FBXW12: variants seen among roughly 807,000 people sequenced by gnomAD.
FBXW12 encodes the protein F-box/WD repeat-containing protein 12.
FBXW12 carries 43 observed loss-of-function variants against 55.3 expected under a neutral mutation model. That is an observed-to-expected ratio of 0.78 (90% CI 0.61 to 1.00). The LOEUF (loss-of-function observed/expected upper bound fraction) is 1.00. FBXW12 is among the 50% of genes least tolerant of loss of function. The pLI is 0.00. For synonymous variants in FBXW12, 184 were observed against 203.8 expected, an observed-to-expected ratio of 0.90 and a Z score of 0.83; for missense variants, 524 against 560.5, an observed-to-expected ratio of 0.93 and a Z score of 0.66.
chr3:48,373,594 C>T lies in FBXW12; in HGVS notation c.175C>T (p.His59Tyr). Residue 59 changes from histidine (H) to tyrosine (Y), a missense_variant, in exon 4 of 11, where the codon CAC (histidine) becomes TAC (tyrosine). Coordinates refer to ENST00000296438, the MANE Select transcript of FBXW12 (RefSeq NM_207102.2). ...GGACTGCAGCAACTTCACCAATCAA[C>T]ACCTGGGCACACACACATGGAAGCA... ...RWDCSNFTNQHLGTHTWKQFF... is the reference protein window; with the variant it reads ...RWDCSNFTNQYLGTHTWKQFF... 1 of 1,614,146 alleles carries T rather than the reference C, an allele frequency of 6.2e-7. No homozygotes were observed. Among genetic ancestry groups the T allele is most frequent in the South Asian group, 1.1e-5 (1 of 91,082 alleles).
At chr3:48,378,631 TG>T (rs371037494) in intron 6 of FBXW12, 105 bp downstream of exon 6, 37,869 of 577,202 alleles carry the variant, frequency 0.066, 282 homozygotes, top group East Asian at 0.076. Flanking sequence ...TTTTTTTTTT[TG>T]GAGACAGAGT....
At chr3:48,374,995 T>C (rs148297487) in intron 4 of FBXW12, among the ~76,000 whole-genome samples, 149 of 152,216 alleles carry the variant, frequency 9.8e-4, no homozygotes, top group African/African-American at 3.5e-3. Context: ...ACTCCTGGCC[T>C]CAAGTGATCC....
chr3:48,380,183 T>C (rs958026901), intron 7 of FBXW12: 1 of 152,724 alleles, frequency 6.5e-6, no homozygotes, highest in African/African-American at 2.4e-5. Flanking sequence ...TCTTTGTCCT[T>C]GTTCTCTTTT....
chr3:48,393,650 A>G (rs2036962359), intron 10 of FBXW12, among the ~76,000 whole-genome samples: 1 of 152,180 alleles, frequency 6.6e-6, no homozygotes, highest in Non-Finnish European at 1.5e-5. Flanking sequence ...AGGGCTGGGC[A>G]CAATGGCTCA....
At chr3:48,376,127 G>A (rs901649116) in intron 5 of FBXW12, among the ~76,000 whole-genome samples, 7 of 151,600 alleles carry the variant, frequency 4.6e-5, no homozygotes, top group Admixed American at 1.3e-4. Context: ...GATTACAGGC[G>A]CGCGCCACGA....
intron 10 of FBXW12, among the ~76,000 whole-genome samples, chr3:48,393,384 G>A (rs1240962392): frequency 6.6e-6 from 1 of 152,128 alleles, no homozygotes; most frequent in African/African-American, 2.4e-5. Context: ...GTGGGGAGGG[G>A]GAGAAGTGTC....
chr3:48,375,809 G>C (rs1255069097), intron 5 of FBXW12, among the ~76,000 whole-genome samples: 2 of 150,720 alleles, frequency 1.3e-5, no homozygotes, highest in Non-Finnish European at 3.0e-5. Flanking sequence ...CAAGTAGCTG[G>C]GACTACAGGC....
chr3:48,380,936 G>A lies in FBXW12; in HGVS notation c.985+24G>A, dbSNP rs749523028. The A allele has an allele frequency of 1.6e-5, 26 of 1,580,962 alleles. No individual in the cohort carries two copies. In the Admixed American group the frequency reaches 2.7e-4, roughly 16 times the overall value. On this transcript the variant is annotated intron_variant, in intron 8 of 10. Coordinates refer to ENST00000296438, the MANE Select transcript of FBXW12 (RefSeq NM_207102.2). ...AGGTAGGCTGTGCCACATTAGAAAC[G>A]CTTGTTTCTCTTCCTCATCACACAG...
At chr3:48,376,045 G>A (rs1479830866) in intron 5 of FBXW12, among the ~76,000 whole-genome samples, 1 of 135,420 alleles carries the variant, frequency 7.4e-6, no homozygotes, top group East Asian at 2.4e-4. Flanking sequence ...GTAGTGGCGC[G>A]ATCTCAGCTC....
At chr3:48,372,584 C>A in intron 1 of FBXW12, 100 bp from the exon 2 acceptor site, 1 of 1,399,602 alleles carries the variant, frequency 7.1e-7, no homozygotes. Flanking sequence ...GTGGATCAGG[C>A]CCCAGGGGAG....
At chr3:48,385,851 C>T (rs1464296905) in intron 10 of FBXW12, among the ~76,000 whole-genome samples, 10 of 152,124 alleles carry the variant, frequency 6.6e-5, no homozygotes, top group Admixed American at 2.6e-4. Context: ...AATGAAGAAC[C>T]TTTGCCCATT....
intron 10 of FBXW12, among the ~76,000 whole-genome samples, chr3:48,392,450 CAAAAAAAAAA>C (rs33965777): frequency 2.8e-5 from 2 of 72,678 alleles, no homozygotes; most frequent in Non-Finnish European, 4.9e-5. Flanking sequence ...CACTCAGTCT[CAAAAAAAAAA>C]AAAAAAAAAA....
chr3:48,372,976 T>C (rs531228683), intron 2 of FBXW12, 119 bp downstream of exon 2: 2 of 962,474 alleles, frequency 2.1e-6, no homozygotes, highest in African/African-American at 1.6e-5. Flanking sequence ...GCATTCTTCA[T>C]ACTGAGGGCC....
At chr3:48,372,562 C>G (rs2036616987) in intron 1 of FBXW12, 122 bp from the exon 2 acceptor site, 1 of 1,237,136 alleles carries the variant, frequency 8.1e-7, no homozygotes, top group Non-Finnish European at 1.1e-6. Flanking sequence ...GGTAGGGATG[C>G]CTGCCAGCTG....
chr3:48,388,603 A>G (rs1019503902), intron 10 of FBXW12, among the ~76,000 whole-genome samples: 1 of 152,060 alleles, frequency 6.6e-6, no homozygotes, highest in African/African-American at 2.4e-5. Context: ...TGCATGTTAT[A>G]TTGTTTTTCA....
intron 10 of FBXW12, among the ~76,000 whole-genome samples, chr3:48,384,535 G>A (rs1399379848): frequency 6.6e-6 from 1 of 151,906 alleles, no homozygotes; most frequent in Non-Finnish European, 1.5e-5. Context: ...TTCCCTTTTT[G>A]CATTGGCTAT....
intron 10 of FBXW12, among the ~76,000 whole-genome samples, chr3:48,393,955 T>A (rs1009371449): frequency 4.6e-5 from 7 of 151,964 alleles, no homozygotes; most frequent in Admixed American, 3.3e-4. Flanking sequence ...TTTTTTGTAT[T>A]TTTAGTAGAG....
rs758547200 is a variant in FBXW12 at position 48,378,293 on chromosome 3, G to A, written c.406-24G>A. On this transcript the variant is annotated intron_variant, in intron 5 of 10. Transcript: ENST00000296438. ...TAGGTGTAAGGGTTCCTTGAACACAGGTCGTGTTACTCTCGTTTTCTAGGG... is the reference window on the plus strand; with the variant it reads ...TAGGTGTAAGGGTTCCTTGAACACAAGTCGTGTTACTCTCGTTTTCTAGGG... 3.2e-6 allele frequency: 5 copies of A among 1,581,590 alleles called. No homozygotes were observed. The Admixed American group carries it at 5.0e-5, about 16-fold the overall frequency.
At chr3:48,392,712 G>A (rs1468949539) in intron 10 of FBXW12, among the ~76,000 whole-genome samples, 1 of 152,118 alleles carries the variant, frequency 6.6e-6, no homozygotes, top group Admixed American at 6.5e-5. Flanking sequence ...AAAATGTTGT[G>A]CCTCTTCCTT....
Sources: allele counts gnomAD v4.1 joint callset (sites outside exome capture counted in the v4.1 genomes callset), GRCh38; gene constraint gnomAD v4.1.1; transcripts MANE v1.5; gene names NCBI Gene and HGNC (gene_info 2026-07-23, HGNC 2026-07-21).